Variants in CWF19L2 observed in about 807,000 individuals in gnomAD.
CWF19L2 encodes CWF19-like protein 2.
Under a neutral mutation model 111.7 loss-of-function variants are expected in CWF19L2, and 98 were observed. That is an observed-to-expected ratio of 0.88 (90% CI 0.75 to 1.04). The LOEUF is 1.04. CWF19L2 is among the 50% of genes least tolerant of loss of function. The pLI, the probability that CWF19L2 is intolerant of heterozygous loss-of-function variation, is 0.00. For missense variants in CWF19L2, 1,101 were observed against 1,051.4 expected (o/e 1.05, Z -0.65); for synonymous variants, 351 against 342.9 (o/e 1.02, Z -0.26).
intron 14 of CWF19L2, among the ~76,000 whole-genome samples, chr11:107,348,021 A>T (rs563859358): frequency 6.6e-6 from 1 of 152,280 alleles, no homozygotes; most frequent in Admixed American, 6.5e-5. Flanking sequence ...CACTACTAGG[A>T]AAACGCAAAC....
chr11:107,423,689 T>C (rs1163699489), intron 8 of CWF19L2, among the ~76,000 whole-genome samples: 1 of 151,902 alleles, frequency 6.6e-6, no homozygotes, highest in Admixed American at 6.6e-5. Flanking sequence ...GTTATTCCAA[T>C]AGATGCTTAC....
chr11:107,360,173 C>G (rs1860303300), intron 12 of CWF19L2, among the ~76,000 whole-genome samples: 1 of 152,168 alleles, frequency 6.6e-6, no homozygotes, highest in Admixed American at 6.5e-5. Context: ...CATGTGTATA[C>G]ATTATTTAGC....
At chr11:107,391,860 T>A (rs1049879100) in intron 11 of CWF19L2, among the ~76,000 whole-genome samples, 1 of 152,212 alleles carries the variant, frequency 6.6e-6, no homozygotes, top group Non-Finnish European at 1.5e-5. Context: ...TGTCTTTTCA[T>A]TATACTCAAA....
chr11:107,340,723 C>T (rs1249634162), intron 14 of CWF19L2, among the ~76,000 whole-genome samples: 1 of 152,134 alleles, frequency 6.6e-6, no homozygotes, highest in South Asian at 2.1e-4. Context: ...ACAAAAAAAT[C>T]TTGCTGGCAC....
chr11:107,371,904 A>G (rs1860516174), intron 12 of CWF19L2, among the ~76,000 whole-genome samples: 1 of 137,876 alleles, frequency 7.3e-6, no homozygotes. Context: ...TCCACGTCCA[A>G]GACATCATTT....
intron 3 of CWF19L2, among the ~76,000 whole-genome samples, chr11:107,444,030 T>G (rs368534095): frequency 1.4e-4 from 22 of 152,162 alleles, no homozygotes; most frequent in African/African-American, 5.3e-4. Flanking sequence ...ATCAATTATC[T>G]TCTCCTCTCA....
At chr11:107,362,588 T>C (rs1407368410) in intron 12 of CWF19L2, among the ~76,000 whole-genome samples, 2 of 151,870 alleles carry the variant, frequency 1.3e-5, no homozygotes, top group South Asian at 2.1e-4. Flanking sequence ...GGCTGGGTAC[T>C]CCAACAGACC....
intron 10 of CWF19L2, among the ~76,000 whole-genome samples, chr11:107,394,140 G>GA (rs1414384463): frequency 7.9e-5 from 12 of 152,028 alleles, no homozygotes; most frequent in African/African-American, 2.4e-4. Flanking sequence ...ATCAACTATA[G>GA]AAAAAATCAA....
intron 3 of CWF19L2, among the ~76,000 whole-genome samples, chr11:107,447,779 A>C (rs1310521138): frequency 6.6e-6 from 1 of 152,222 alleles, no homozygotes; most frequent in East Asian, 1.9e-4. Context: ...CTAGACATTC[A>C]AAGAAGCAAG....
chr11:107,332,486 G>C (rs1038642652), intron 16 of CWF19L2, among the ~76,000 whole-genome samples: 16 of 149,442 alleles, frequency 1.1e-4, no homozygotes, highest in Non-Finnish European at 1.6e-4. Flanking sequence ...ACATAAATTT[G>C]TAAAAATCAG....
At chr11:107,368,373 C>A (rs1860463181) in intron 12 of CWF19L2, among the ~76,000 whole-genome samples, 1 of 137,352 alleles carries the variant, frequency 7.3e-6, no homozygotes, top group African/African-American at 2.9e-5. Flanking sequence ...ATAAAACCTT[C>A]CAAGATTGAA....
At chr11:107,450,404 A>G (rs955066833) in intron 3 of CWF19L2, among the ~76,000 whole-genome samples, 7 of 152,054 alleles carry the variant, frequency 4.6e-5, no homozygotes, top group Non-Finnish European at 1.0e-4. Context: ...TCATATATAT[A>G]TATCCTGGAC....
chr11:107,398,978 A>C (rs1860963121), intron 10 of CWF19L2, among the ~76,000 whole-genome samples: 1 of 152,174 alleles, frequency 6.6e-6, no homozygotes, highest in Non-Finnish European at 1.5e-5. Flanking sequence ...TCAGACACAC[A>C]AACACTGACT....
At chr11:107,409,367 T>C (rs1004115285) in intron 10 of CWF19L2, among the ~76,000 whole-genome samples, 1 of 152,114 alleles carries the variant, frequency 6.6e-6, no homozygotes, top group African/African-American at 2.4e-5. Flanking sequence ...TTAAAGAGAA[T>C]GTCCATAAAC....
chr11:107,420,815 AAT>A (rs752586924), intron 8 of CWF19L2, among the ~76,000 whole-genome samples: 8 of 152,126 alleles, frequency 5.3e-5, no homozygotes, highest in Non-Finnish European at 1.0e-4. Context: ...AGAATACTGT[AAT>A]ATTTTCAGAG....
At chr11:107,364,301 C>T (rs1349645692) in intron 12 of CWF19L2, among the ~76,000 whole-genome samples, 3 of 145,954 alleles carry the variant, frequency 2.1e-5, no homozygotes, top group Non-Finnish European at 3.0e-5. Context: ...AGGAATTGAA[C>T]TCAGCTCTGC....
intron 8 of CWF19L2, among the ~76,000 whole-genome samples, chr11:107,419,105 G>T (rs1383568514): frequency 1.3e-5 from 2 of 152,214 alleles, no homozygotes; most frequent in African/African-American, 4.8e-5. Flanking sequence ...TGCAGTCAGG[G>T]AAAGAACTAG....
rs1859925215 is a variant in CWF19L2, at chr11:107,336,472, A to ATATT, written c.2358+85_2358+86insAATA. ...AAATTTTGATGTAAGTATATAGGAG[A>ATATT]AAAATATGTTAATAAAGACAACAAT... On this transcript the variant is annotated intron_variant, in intron 15 of 17. Coordinates refer to ENST00000282251, the MANE Select transcript of CWF19L2 (RefSeq NM_152434.3). The ATATT allele has an allele frequency of 2.7e-6, 3 of 1,126,832 alleles. No homozygotes were observed. The Admixed American group carries it at 8.2e-5, about 31-fold the overall frequency. The allele number at this position is 1,126,832 out of a possible 1,614,324, so 69.8% of individuals were successfully genotyped here.
chr11:107,384,570 T>C (rs1860737512), intron 12 of CWF19L2, among the ~76,000 whole-genome samples: 1 of 152,234 alleles, frequency 6.6e-6, no homozygotes, highest in African/African-American at 2.4e-5. Flanking sequence ...TACATTTGCA[T>C]TGAAGATTTT....
Sources: allele counts gnomAD v4.1 joint callset (sites outside exome capture counted in the v4.1 genomes callset), GRCh38; gene constraint gnomAD v4.1.1; transcripts MANE v1.5; gene names NCBI Gene and HGNC (gene_info 2026-07-23, HGNC 2026-07-21).